PITPNC1: variants seen among roughly 807,000 people sequenced by gnomAD.
The protein encoded by PITPNC1 is cytoplasmic phosphatidylinositol transfer protein 1.
In PITPNC1, 18 loss-of-function variants were observed where a neutral mutation model predicts 44.7. The observed-to-expected ratio is 0.40, with a 90% CI of 0.28 to 0.60. The LOEUF (loss-of-function observed/expected upper bound fraction) is 0.60, where lower values mean the gene tolerates loss of function less well. Ranked by LOEUF, PITPNC1 falls within the 20% of genes least tolerant of loss-of-function variation. The pLI, the probability that PITPNC1 is intolerant of heterozygous loss-of-function variation, is 0.39. For synonymous variants in PITPNC1, 141 were observed against 149.6 expected (o/e 0.94, Z 0.42); for missense variants, 290 against 418.4 (o/e 0.69, Z 2.68).
chr17:67,449,680 C>G (rs2039148858), intron 1 of PITPNC1, among the ~76,000 whole-genome samples: 1 of 152,172 alleles, frequency 6.6e-6, no homozygotes, highest in South Asian at 2.1e-4. Flanking sequence ...ACAAGTTTCT[C>G]TGTTTTGGGG....
intron 8 of PITPNC1, among the ~76,000 whole-genome samples, chr17:67,687,454 G>C (rs968661076): frequency 2.2e-4 from 34 of 152,158 alleles, no homozygotes; most frequent in African/African-American, 7.7e-4. Flanking sequence ...TGTGGGACTA[G>C]TAAAACGGCC....
intron 6 of PITPNC1, among the ~76,000 whole-genome samples, chr17:67,636,440 C>A (rs1170899690): frequency 6.6e-6 from 1 of 152,178 alleles, no homozygotes; most frequent in Non-Finnish European, 1.5e-5. Flanking sequence ...TGGAGTCTTA[C>A]GGTTACTAAA....
chr17:67,616,074 C>G (rs2041754155), intron 5 of PITPNC1, among the ~76,000 whole-genome samples: 1 of 152,162 alleles, frequency 6.6e-6, no homozygotes, highest in African/African-American at 2.4e-5. Context: ...TGAATTGAGT[C>G]ATAGCATTTG....
chr17:67,428,687 C>CT (rs1339777649), intron 1 of PITPNC1, among the ~76,000 whole-genome samples: 1 of 152,056 alleles, frequency 6.6e-6, no homozygotes, highest in African/African-American at 2.4e-5. Flanking sequence ...ATGTACTACT[C>CT]TAAGAAAAAC....
intron 2 of PITPNC1, among the ~76,000 whole-genome samples, chr17:67,547,530 A>T (rs1223443110): frequency 6.6e-6 from 1 of 152,122 alleles, no homozygotes; most frequent in Non-Finnish European, 1.5e-5. Context: ...GAGAAAAAGA[A>T]CAAAATAAAA....
At chr17:67,459,113 C>CTTTTTTTTTTTTTTT (rs886333854) in intron 1 of PITPNC1, among the ~76,000 whole-genome samples, 4 of 95,732 alleles carry the variant, frequency 4.2e-5, no homozygotes, top group Admixed American at 1.1e-4. Context: ...TTTTCTTTTT[C>CTTTTTTTTTTTTTTT]TTTTTTTTTT....
chr17:67,532,711 T>C (rs1041612079), intron 1 of PITPNC1, 91 bp from the exon 2 acceptor site: 6 of 981,612 alleles, frequency 6.1e-6, no homozygotes, highest in Admixed American at 2.3e-5. Context: ...AAGGTGCTGA[T>C]GTTATTAGTG....
chr17:67,391,876 A>G (rs1234047883), intron 1 of PITPNC1, among the ~76,000 whole-genome samples: 1 of 152,210 alleles, frequency 6.6e-6, no homozygotes, highest in Non-Finnish European at 1.5e-5. Context: ...AAGAGAAGAA[A>G]GTGGTCCAGA....
intron 1 of PITPNC1, among the ~76,000 whole-genome samples, chr17:67,382,759 G>C (rs1316359652): frequency 6.6e-6 from 1 of 151,744 alleles, no homozygotes; most frequent in Non-Finnish European, 1.5e-5. Context: ...CGAGTAGCTG[G>C]GATTACAGGC....
chr17:67,684,082 G>A (rs2042767244), intron 8 of PITPNC1, among the ~76,000 whole-genome samples: 1 of 150,008 alleles, frequency 6.7e-6, no homozygotes, highest in South Asian at 2.1e-4. Flanking sequence ...CAAATTGACG[G>A]TATCCATCTC....
chr17:67,665,373 G>T (rs559765005), intron 6 of PITPNC1, among the ~76,000 whole-genome samples: 2 of 152,100 alleles, frequency 1.3e-5, no homozygotes, highest in South Asian at 4.1e-4. Flanking sequence ...GGTTACAGGC[G>T]TGAGCCACTG....
rs1185713603 is a variant in PITPNC1 at position 67,694,326 on chromosome 17, A to G, written c.*1438A>G. The G allele has an allele frequency of 6.6e-6, 1 of 152,308 alleles. No homozygotes were observed. Among genetic ancestry groups the G allele is most frequent in the South Asian group, 2.1e-4 (1 of 4,842 alleles). The allele number at this position is 152,308 out of a possible 1,614,324, so 9.4% of individuals were successfully genotyped here. The stretch of plus-strand genomic sequence containing the variant: ...TGGGCAACTTGGAGGCCCACGCCCC[A>G]GCTAGCCTTCCTGATCGTAACCTCC... On this transcript the variant is annotated 3_prime_UTR_variant, in exon 9 of 9. Transcript: ENST00000581322.
intron 5 of PITPNC1, among the ~76,000 whole-genome samples, chr17:67,628,448 G>A (rs57380964): frequency 0.017 from 2,574 of 152,266 alleles, 77 homozygotes; most frequent in African/African-American, 0.058. Flanking sequence ...GATCTCTGAT[G>A]GGAGCAACTA....
At chr17:67,596,394 TA>T (rs959772539) in intron 5 of PITPNC1, among the ~76,000 whole-genome samples, 6 of 151,634 alleles carry the variant, frequency 4.0e-5, no homozygotes, top group South Asian at 2.1e-4. Context: ...AGTATTGCTT[TA>T]AAAAAAAAGT....
intron 1 of PITPNC1, among the ~76,000 whole-genome samples, chr17:67,460,891 G>A (rs536477386): frequency 5.8e-4 from 87 of 151,046 alleles, no homozygotes; most frequent in Admixed American, 2.2e-3. Flanking sequence ...ATAGGCGCGC[G>A]CCACCATGCC....
intron 6 of PITPNC1, among the ~76,000 whole-genome samples, chr17:67,665,717 A>T (rs1268681964): frequency 6.6e-6 from 1 of 152,234 alleles, no homozygotes; most frequent in South Asian, 2.1e-4. Context: ...CTCAACAAGC[A>T]TGTATTCAAC....
At chr17:67,438,168 AG>A (rs1292431673) in intron 1 of PITPNC1, among the ~76,000 whole-genome samples, 5 of 152,244 alleles carry the variant, frequency 3.3e-5, no homozygotes, top group African/African-American at 1.2e-4. Flanking sequence ...CAATAGCCCT[AG>A]CCATGAACGT....
chr17:67,481,300 G>T (rs1474877566), intron 1 of PITPNC1, among the ~76,000 whole-genome samples: 1 of 152,182 alleles, frequency 6.6e-6, no homozygotes, highest in Non-Finnish European at 1.5e-5. Context: ...CAAGGCCCTG[G>T]TCCAAAAGTG....
chr17:67,657,156 G>GTTTTTT (rs200469435), intron 6 of PITPNC1, among the ~76,000 whole-genome samples: 4 of 146,182 alleles, frequency 2.7e-5, no homozygotes, highest in African/African-American at 1.0e-4. Flanking sequence ...CCCCACCCCC[G>GTTTTTT]TTTTTTTTGT....
Sources: gnomAD v4.1 joint callset for allele counts (sites outside exome capture counted in the v4.1 genomes callset) on GRCh38, gnomAD v4.1.1 for gene constraint, MANE v1.5 for transcripts, NCBI Gene and HGNC (gene_info 2026-07-23, HGNC 2026-07-21) for gene names.